POU6F2: variants seen among roughly 807,000 people sequenced by gnomAD.
POU6F2 encodes the protein POU domain, class 6, transcription factor 2.
Under a neutral mutation model 71.3 loss-of-function variants are expected in POU6F2, and 31 were observed. The observed-to-expected ratio is 0.43, with a 90% CI of 0.33 to 0.59. The LOEUF (loss-of-function observed/expected upper bound fraction) is 0.59. POU6F2 is among the 20% of genes least tolerant of loss of function. The pLI, the probability that POU6F2 is intolerant of heterozygous loss-of-function variation, is 0.04. For synonymous variants in POU6F2, 347 were observed against 355.7 expected (o/e 0.98, Z 0.27); for missense variants, 783 against 856.8 (o/e 0.91, Z 1.07).
intron 7 of POU6F2, 139 bp from the exon 8 acceptor site, chr7:39,451,394 T>G: frequency 2.0e-5 from 16 of 812,422 alleles, no homozygotes; most frequent in Non-Finnish European, 2.7e-5. Flanking sequence ...CTGCCTGCTG[T>G]GTAGGGTGCG....
intron 4 of POU6F2, among the ~76,000 whole-genome samples, chr7:39,306,988 A>T (rs1200262087): frequency 6.6e-6 from 1 of 152,192 alleles, no homozygotes; most frequent in African/African-American, 2.4e-5. Context: ...GAAGGGATCC[A>T]TTAGAAGGGG....
chr7:39,007,471 C>T (rs1789106377), intron 1 of POU6F2, among the ~76,000 whole-genome samples: 1 of 152,120 alleles, frequency 6.6e-6, no homozygotes, highest in Non-Finnish European at 1.5e-5. Context: ...GATGATGGGT[C>T]TAGGAACAGA....
chr7:39,332,803 G>A (rs1287043490), intron 4 of POU6F2, among the ~76,000 whole-genome samples: 2 of 152,014 alleles, frequency 1.3e-5, no homozygotes, highest in African/African-American at 4.8e-5. Flanking sequence ...CTTTCATCTT[G>A]GTTGGCACTC....
intron 6 of POU6F2, 101 bp downstream of exon 6, chr7:39,406,841 T>A: frequency 6.9e-7 from 1 of 1,442,068 alleles, no homozygotes; most frequent in South Asian, 1.2e-5. Flanking sequence ...CCGCATCTAT[T>A]CGAGGCAAAT....
intron 1 of POU6F2, among the ~76,000 whole-genome samples, chr7:39,079,910 G>A (rs543864369): frequency 6.6e-6 from 1 of 152,208 alleles, no homozygotes; most frequent in East Asian, 1.9e-4. Context: ...TGCCAGAAAT[G>A]TGGGATTTTC....
intron 4 of POU6F2, among the ~76,000 whole-genome samples, chr7:39,317,284 A>C (rs1785286452): frequency 6.6e-6 from 1 of 152,150 alleles, no homozygotes; most frequent in Non-Finnish European, 1.5e-5. Flanking sequence ...GAGGCTGCCA[A>C]CATGATGGGA....
chr7:39,115,900 T>C (rs1315550632), intron 2 of POU6F2, among the ~76,000 whole-genome samples: 1 of 152,222 alleles, frequency 6.6e-6, no homozygotes, highest in Non-Finnish European at 1.5e-5. Flanking sequence ...AAATATTTCT[T>C]TGATTATAGA....
At chr7:39,370,859 G>A (rs1786591478) in intron 5 of POU6F2, among the ~76,000 whole-genome samples, 1 of 152,130 alleles carries the variant, frequency 6.6e-6, no homozygotes, top group Non-Finnish European at 1.5e-5. Flanking sequence ...CCACCCTGTA[G>A]GCTCAACCTG....
intron 2 of POU6F2, among the ~76,000 whole-genome samples, chr7:39,111,760 C>T (rs772222868): frequency 2.5e-4 from 38 of 152,142 alleles, no homozygotes; most frequent in Non-Finnish European, 4.3e-4. Flanking sequence ...AATTATATCA[C>T]GCAAGGACTG....
At position 39,115,529 on chromosome 7, in the gene POU6F2, TAAAGC is replaced by T. The variant is rs539765932; in HGVS notation, c.277+29499_277+29503del. Among the ~76,000 whole-genome samples, 33 of 152,276 alleles carry T rather than the reference TAAAGC, an allele frequency of 2.2e-4. No individual in the cohort carries two copies. In the East Asian group the frequency reaches 6.4e-3, roughly 29 times the overall value. Reference sequence around the variant, plus strand: ...CTTCACATGAAGTTCCTTATGGCTTTAAAGCCAGCCCAGGTCTTGCCTACTACATA... The same window carrying T: ...CTTCACATGAAGTTCCTTATGGCTTTCAGCCCAGGTCTTGCCTACTACATA... On this transcript the variant is annotated intron_variant, in intron 2 of 9. Transcript: ENST00000518318.
intron 4 of POU6F2, among the ~76,000 whole-genome samples, chr7:39,313,943 A>G (rs190791146): frequency 1.3e-5 from 2 of 152,304 alleles, no homozygotes; most frequent in Admixed American, 6.5e-5. Flanking sequence ...CAGGGACCCT[A>G]TGGGAGAATT....
rs1792607514 is a variant in POU6F2 at position 39,145,711 on chromosome 7, T to C, written c.278-58524T>C. ...CAGTGGAAAGGTTGGTACCCCAGAC[T>C]TCTCACCCCTTTCTCAGAAGCTGCT... On this transcript the variant is annotated intron_variant, in intron 2 of 9. Transcript: ENST00000518318. 2.0e-5 allele frequency among the ~76,000 whole-genome samples: 3 copies of C among 152,162 alleles called. No homozygotes were observed. The South Asian group carries it at 6.2e-4, about 31-fold the overall frequency.
At chr7:39,035,712 T>C (rs570257681) in intron 1 of POU6F2, among the ~76,000 whole-genome samples, 17 of 151,336 alleles carry the variant, frequency 1.1e-4, no homozygotes, top group Non-Finnish European at 4.4e-5. Context: ...ACTGAATTGC[T>C]ACTTGGTGCT....
At chr7:39,135,645 C>T (rs950692325) in intron 2 of POU6F2, among the ~76,000 whole-genome samples, 3 of 151,822 alleles carry the variant, frequency 2.0e-5, no homozygotes, top group South Asian at 2.1e-4. Flanking sequence ...CAGGAGGATA[C>T]GTTCTCAACC....
At chr7:39,002,727 T>C (rs859553) in intron 1 of POU6F2, among the ~76,000 whole-genome samples, 38,069 of 152,220 alleles carry the variant, frequency 0.25, 5,038 homozygotes, top group Middle Eastern at 0.32. Flanking sequence ...TGGTAATTTA[T>C]TGATTTGATC....
intron 1 of POU6F2, among the ~76,000 whole-genome samples, chr7:39,062,756 A>G (rs1019140122): frequency 3.3e-5 from 5 of 151,106 alleles, no homozygotes; most frequent in Non-Finnish European, 7.4e-5. Context: ...AAAAAATATT[A>G]GAAGATACTG....
Position 39,400,237 on chromosome 7 carries a change from A to G in POU6F2, c.973-6363A>G, listed in dbSNP as rs138693115. 2.0e-4 allele frequency among the ~76,000 whole-genome samples: 30 copies of G among 152,330 alleles called. No individual in the cohort carries two copies. The East Asian group carries it at 4.8e-3, about 24-fold the overall frequency. ...GAGGGCTTCTTAAGAATAACAAAAG[A>G]TGTTTTTCCTACCCCTATTACTCAG... On this transcript the variant is annotated intron_variant, in intron 5 of 9. Transcript: ENST00000518318.
intron 4 of POU6F2, among the ~76,000 whole-genome samples, chr7:39,280,169 C>T (rs755835623): frequency 1.3e-5 from 2 of 152,174 alleles, no homozygotes; most frequent in Admixed American, 6.5e-5. Context: ...GAGGTACTGA[C>T]GTCAAGACTT....
intron 9 of POU6F2, among the ~76,000 whole-genome samples, chr7:39,462,817 TG>T (rs2116172561): frequency 6.6e-6 from 1 of 152,302 alleles, no homozygotes; most frequent in East Asian, 1.9e-4. Context: ...GAGTTCTACA[TG>T]GAAGGGAATG....
Sources: gnomAD v4.1 joint callset for allele counts (sites outside exome capture counted in the v4.1 genomes callset) on GRCh38, gnomAD v4.1.1 for gene constraint, MANE v1.5 for transcripts, NCBI Gene and HGNC (gene_info 2026-07-23, HGNC 2026-07-21) for gene names.